Variants in CCR3 observed in about 807,000 individuals in gnomAD.
CCR3 encodes the protein C-C chemokine receptor type 3.
For missense variants in CCR3, 419 were observed against 437.5 expected (o/e 0.96, Z 0.38); for synonymous variants, 203 against 179.2 (o/e 1.13, Z -1.06).
chr3:46,250,082 C>T (rs371001004), intron 1 of CCR3, among the ~76,000 whole-genome samples: 1 of 152,076 alleles, frequency 6.6e-6, no homozygotes, highest in Non-Finnish European at 1.5e-5. Context: ...GAGCCATGAA[C>T]TGGGCTGGGT....
intron 2 of CCR3, among the ~76,000 whole-genome samples, chr3:46,228,829 G>A (rs985670946): frequency 4.6e-5 from 7 of 152,200 alleles, no homozygotes; most frequent in African/African-American, 1.7e-4. Flanking sequence ...AAAACACTTG[G>A]CATGTGCCTG....
chr3:46,235,743 C>T (rs186019491), intron 2 of CCR3, among the ~76,000 whole-genome samples: 45 of 152,334 alleles, frequency 3.0e-4, no homozygotes, highest in Middle Eastern at 3.4e-3. Flanking sequence ...TCTTCCACTA[C>T]GAGCCCTCAC....
chr3:46,253,451 T>C (rs1219286631), intron 1 of CCR3, among the ~76,000 whole-genome samples: 1 of 152,182 alleles, frequency 6.6e-6, no homozygotes, highest in African/African-American at 2.4e-5. Flanking sequence ...GCTTGGCTTC[T>C]TCAACTCATC....
chr3:46,242,963 G>GTATATATATATATACACATATATATATA (rs1553644057), intron 1 of CCR3, among the ~76,000 whole-genome samples: 30 of 86,288 alleles, frequency 3.5e-4, no homozygotes, highest in African/African-American at 1.3e-3. Flanking sequence ...ATATATATGT[G>GTATATATATATATACACATATATATATA]TATATATATA....
chr3:46,240,044 C>T (rs940444272), upstream of CCR3, among the ~76,000 whole-genome samples: 2 of 152,198 alleles, frequency 1.3e-5, no homozygotes, highest in African/African-American at 4.8e-5. Context: ...TGCCCACTAC[C>T]TCTGCCAGGC....
intron 1 of CCR3, among the ~76,000 whole-genome samples, chr3:46,260,068 G>A (rs1165225077): frequency 6.6e-6 from 1 of 152,128 alleles, no homozygotes; most frequent in Non-Finnish European, 1.5e-5. Context: ...CTTGTGCAGG[G>A]AAACTCCCCT....
intron 2 of CCR3, among the ~76,000 whole-genome samples, chr3:46,235,436 C>A (rs1390546031): frequency 2.0e-5 from 3 of 152,198 alleles, no homozygotes; most frequent in Non-Finnish European, 4.4e-5. Flanking sequence ...GGCTAGCTCA[C>A]CCAATTCTCA....
intron 2 of CCR3, among the ~76,000 whole-genome samples, chr3:46,212,890 A>T (rs1185700883): frequency 6.6e-6 from 1 of 152,078 alleles, no homozygotes; most frequent in Non-Finnish European, 1.5e-5. Flanking sequence ...CTGACGTAGC[A>T]CCTCTGAGGT....
intron 2 of CCR3, among the ~76,000 whole-genome samples, chr3:46,212,483 C>T (rs1270890514): frequency 6.8e-6 from 1 of 146,448 alleles, no homozygotes; most frequent in Non-Finnish European, 1.5e-5. Context: ...CTTGGCCCCC[C>T]TACCACACTC....
At chr3:46,236,112 G>A (rs375460371) in intron 2 of CCR3, among the ~76,000 whole-genome samples, 3 of 152,154 alleles carry the variant, frequency 2.0e-5, no homozygotes, top group Non-Finnish European at 4.4e-5. Flanking sequence ...GGAGTGGCTT[G>A]AGCCTGTGTG....
At chr3:46,246,145 C>T (rs1379366643) in intron 1 of CCR3, among the ~76,000 whole-genome samples, 1 of 152,152 alleles carries the variant, frequency 6.6e-6, no homozygotes, top group Non-Finnish European at 1.5e-5. Context: ...CTGGACAGTG[C>T]AAAGCAGAGT....
At position 46,216,863 on chromosome 3, in the gene CCR3, G is replaced by C. The variant is rs535948957; in HGVS notation, c.-68+5956G>C. ...AACTGCTAAAAAGAAGTCCTAAATT[G>C]TGAAATAAAACCTCAAAATATACCA... On this transcript the variant is annotated intron_variant, in intron 2 of 3. Transcript: ENST00000357422. 3.7e-4 allele frequency among the ~76,000 whole-genome samples: 56 copies of C among 152,154 alleles called. 1 individual carries two copies. In the East Asian group the frequency reaches 9.8e-3, roughly 27 times the overall value.
intron 2 of CCR3, among the ~76,000 whole-genome samples, chr3:46,232,797 C>G (rs1699980750): frequency 6.6e-6 from 1 of 152,208 alleles, no homozygotes; most frequent in South Asian, 2.1e-4. Flanking sequence ...TCACTCCTGT[C>G]TCTTTTGTAG....
At chr3:46,249,372 G>A (rs1178046253) in intron 1 of CCR3, among the ~76,000 whole-genome samples, 1 of 152,142 alleles carries the variant, frequency 6.6e-6, no homozygotes, top group African/African-American at 2.4e-5. Context: ...AGTTTTAAGA[G>A]GTTTAGAAGC....
At chr3:46,264,637 T>C in intron 1 of CCR3, 2 of 554,752 alleles carry the variant, frequency 3.6e-6, no homozygotes, top group Non-Finnish European at 3.1e-6. Context: ...CTATAATGAA[T>C]GGCTCATCAT....
intron 2 of CCR3, among the ~76,000 whole-genome samples, chr3:46,223,294 C>T (rs1699857677): frequency 6.6e-6 from 1 of 152,148 alleles, no homozygotes; most frequent in Admixed American, 6.5e-5. Flanking sequence ...GAGCCGAGAT[C>T]GTGCCACTGC....
intron 2 of CCR3, among the ~76,000 whole-genome samples, chr3:46,227,082 G>A (rs1376669378): frequency 6.6e-6 from 1 of 151,648 alleles, no homozygotes; most frequent in East Asian, 1.9e-4. Flanking sequence ...GTTTTGCCAT[G>A]TTGACCAGGC....
rs2125937391 is a variant in CCR3 at position 46,265,997 on chromosome 3, A to G, written c.839A>G (p.Asp280Gly). The G allele has an allele frequency of 6.2e-7, 1 of 1,614,058 alleles. No individual in the cohort carries two copies. Among genetic ancestry groups the G allele is most frequent in the South Asian group, 1.1e-5 (1 of 91,074 alleles). Residue 280 changes from aspartate (D) to glycine (G), a missense_variant, in exon 2 of 2, where the codon GAC becomes GGC. Physicochemically the swap from Asp to Gly is moderately conservative, Grantham distance 94. Coordinates refer to ENST00000395940, the MANE Select transcript of CCR3 (RefSeq NM_178329.3). ...GNDCERSKHLDLVMLVTEVIA... is the reference protein window; with the variant it reads ...GNDCERSKHLGLVMLVTEVIA... ...GACTGTGAGCGGAGCAAGCATCTGG[A>G]CCTGGTCATGCTGGTGACAGAGGTG...
intron 1 of CCR3, among the ~76,000 whole-genome samples, chr3:46,263,204 C>T (rs772654558): frequency 1.3e-5 from 2 of 152,156 alleles, no homozygotes; most frequent in African/African-American, 4.8e-5. Flanking sequence ...TAAAGTTTGA[C>T]CTGTTTTTAA....
Sources: gnomAD v4.1 joint callset for allele counts (sites outside exome capture counted in the v4.1 genomes callset) on GRCh38, gnomAD v4.1.1 for gene constraint, MANE v1.5 for transcripts, NCBI Gene and HGNC (gene_info 2026-07-23, HGNC 2026-07-21) for gene names.